The following MAGI2 variants were observed in gnomAD, a reference collection of about 807,000 sequenced individuals.
The protein encoded by MAGI2 is membrane-associated guanylate kinase, WW and PDZ domain-containing protein 2.
A neutral mutation model predicts 133.3 loss-of-function variants in MAGI2; 35 were observed. The ratio of observed to expected loss-of-function variants is 0.26; its 90% confidence interval spans 0.20 to 0.35. The LOEUF is 0.35. Among genes scored for constraint, MAGI2 ranks in the 10% least tolerant of loss-of-function variants. MAGI2 has a pLI of 1.00. For missense variants in MAGI2, 1,636 were observed against 1,863.4 expected (o/e 0.88, Z 2.25); for synonymous variants, 729 against 710.6 (o/e 1.03, Z -0.41).
intron 1 of MAGI2, chr7:79,125,148 C>G: frequency 3.1e-6 from 1 of 320,602 alleles, no homozygotes; most frequent in South Asian, 3.3e-5. Context: ...TCATTACTGA[C>G]AGAGGCAGTG....
intron 6 of MAGI2, among the ~76,000 whole-genome samples, chr7:78,463,476 A>G (rs1482119548): frequency 1.3e-5 from 2 of 152,234 alleles, no homozygotes; most frequent in Non-Finnish European, 2.9e-5. Context: ...TTCTAATCAG[A>G]GACTCTCTGA....
chr7:79,083,606 A>G (rs1349110655), intron 1 of MAGI2, among the ~76,000 whole-genome samples: 1 of 151,734 alleles, frequency 6.6e-6, no homozygotes, highest in Non-Finnish European at 1.5e-5. Flanking sequence ...GTTCATATTC[A>G]TAAGGGATAT....
At chr7:78,804,897 G>A (rs1380613161) in intron 2 of MAGI2, among the ~76,000 whole-genome samples, 2 of 150,976 alleles carry the variant, frequency 1.3e-5, no homozygotes, top group Non-Finnish European at 1.5e-5. Context: ...GCAAAACCCC[G>A]TCTCTACTAA....
intron 1 of MAGI2, among the ~76,000 whole-genome samples, chr7:79,130,491 A>ATGCC (rs1309894257): frequency 6.6e-6 from 1 of 152,158 alleles, no homozygotes; most frequent in Admixed American, 6.5e-5. Context: ...CTGCATAAGG[A>ATGCC]TGCCGCGGCT....
At chr7:78,223,662 C>T (rs1789058623) in intron 10 of MAGI2, among the ~76,000 whole-genome samples, 1 of 152,108 alleles carries the variant, frequency 6.6e-6, no homozygotes, top group Non-Finnish European at 1.5e-5. Context: ...TAATTTACCT[C>T]ACCAAAACCA....
chr7:78,987,302 T>C (rs111724764), intron 2 of MAGI2, among the ~76,000 whole-genome samples: 12 of 152,166 alleles, frequency 7.9e-5, no homozygotes, highest in African/African-American at 2.9e-4. Flanking sequence ...ATTGCAAAAA[T>C]CTTTCAGGAA....
chr7:78,433,560 G>C (rs556979496), intron 6 of MAGI2, among the ~76,000 whole-genome samples: 3 of 152,142 alleles, frequency 2.0e-5, no homozygotes, highest in Admixed American at 2.0e-4. Flanking sequence ...GTGTAGTAAA[G>C]GATGTCCCAA....
At chr7:78,437,476 C>CA (rs1562993921) in intron 6 of MAGI2, among the ~76,000 whole-genome samples, 1 of 152,158 alleles carries the variant, frequency 6.6e-6, no homozygotes, top group Non-Finnish European at 1.5e-5. Flanking sequence ...AGAAAAGACT[C>CA]AGTTTGAAAA....
intron 1 of MAGI2, among the ~76,000 whole-genome samples, chr7:79,097,065 A>C (rs1350409963): frequency 2.0e-5 from 3 of 152,238 alleles, no homozygotes; most frequent in Non-Finnish European, 4.4e-5. Flanking sequence ...TGTTATTATT[A>C]GTATATTTAA....
intron 5 of MAGI2, among the ~76,000 whole-genome samples, chr7:78,500,634 TTGAG>T (rs1049984852): frequency 3.3e-5 from 5 of 152,128 alleles, no homozygotes; most frequent in African/African-American, 1.2e-4. Context: ...AAAGATTAGG[TTGAG>T]TATTACCAAG....
intron 1 of MAGI2, among the ~76,000 whole-genome samples, chr7:79,434,545 C>A (rs140044024): frequency 6.6e-6 from 1 of 152,256 alleles, no homozygotes; most frequent in African/African-American, 2.4e-5. Context: ...AACTGAGTCT[C>A]ATAATGGATA....
intron 3 of MAGI2, among the ~76,000 whole-genome samples, chr7:78,612,224 C>G (rs1806529834): frequency 6.6e-6 from 1 of 151,934 alleles, no homozygotes; most frequent in South Asian, 2.1e-4. Flanking sequence ...ATTGGAGAAA[C>G]ATAAGCAATT....
chr7:79,311,281 A>G (rs1838270024), intron 1 of MAGI2, among the ~76,000 whole-genome samples: 1 of 152,160 alleles, frequency 6.6e-6, no homozygotes, highest in Non-Finnish European at 1.5e-5. Context: ...GCCACCTTGG[A>G]AGAAGAATTG....
chr7:78,905,445 C>A (rs1797924428), intron 2 of MAGI2, among the ~76,000 whole-genome samples: 1 of 152,196 alleles, frequency 6.6e-6, no homozygotes, highest in African/African-American at 2.4e-5. Flanking sequence ...GCCTTCTATA[C>A]CTCTGTCTTA....
chr7:78,276,549 A>C (rs534013127), intron 9 of MAGI2, among the ~76,000 whole-genome samples: 1 of 152,064 alleles, frequency 6.6e-6, no homozygotes, highest in South Asian at 2.1e-4. Context: ...TTCAGTCAAA[A>C]TTTTCTTATA....
chr7:78,694,183 G>A (rs889754382), intron 2 of MAGI2, among the ~76,000 whole-genome samples: 3 of 152,072 alleles, frequency 2.0e-5, no homozygotes, highest in Non-Finnish European at 2.9e-5. Flanking sequence ...AAAGTACCTA[G>A]CATAAGACTA....
intron 4 of MAGI2, among the ~76,000 whole-genome samples, chr7:78,509,190 C>T (rs1795361157): frequency 6.6e-6 from 1 of 151,956 alleles, no homozygotes; most frequent in Non-Finnish European, 1.5e-5. Flanking sequence ...AGAAACACCT[C>T]TTCTTAAAGG....
rs533186925 is a variant in MAGI2, at chr7:78,818,634, T to G, written c.418+188456A>C. Reference sequence around the variant, plus strand: ...AGAAGAGAAACTACTTTGGTATGTGTGTACATCCACATTGTTGGTTTAGTT... The same window carrying G: ...AGAAGAGAAACTACTTTGGTATGTGGGTACATCCACATTGTTGGTTTAGTT... On this transcript the variant is annotated intron_variant, in intron 2 of 21. Coordinates refer to ENST00000354212, the MANE Select transcript of MAGI2 (RefSeq NM_012301.4). 3.3e-5 allele frequency among the ~76,000 whole-genome samples: 5 copies of G among 152,346 alleles called. No individual in the cohort carries two copies. The East Asian group carries it at 9.6e-4, about 29-fold the overall frequency.
chr7:79,266,896 G>C (rs28502577), intron 1 of MAGI2, among the ~76,000 whole-genome samples: 34,263 of 151,930 alleles, frequency 0.23, 5,121 homozygotes, highest in African/African-American at 0.41. Flanking sequence ...ATACGTTCTT[G>C]AGTTATTTTT....
Sources: gnomAD v4.1 joint callset for allele counts (sites outside exome capture counted in the v4.1 genomes callset) on GRCh38, gnomAD v4.1.1 for gene constraint, MANE v1.5 for transcripts, NCBI Gene and HGNC (gene_info 2026-07-23, HGNC 2026-07-21) for gene names.